CDH18: variants seen among roughly 807,000 people sequenced by gnomAD.
CDH18 encodes cadherin 18, also known as cadherin-18.
Under a neutral mutation model 67.9 loss-of-function variants are expected in CDH18, and 31 were observed. The ratio of observed to expected loss-of-function variants is 0.46; its 90% CI spans 0.34 to 0.62. The LOEUF is 0.62. Among genes scored for constraint, CDH18 ranks in the 20% least tolerant of loss-of-function variants. CDH18 has a pLI of 0.01. For missense variants in CDH18, 890 were observed against 975.5 expected, an observed-to-expected ratio of 0.91 and a Z score of 1.17; for synonymous variants, 362 against 347.2, an observed-to-expected ratio of 1.04 and a Z score of -0.48.
intron 2 of CDH18, among the ~76,000 whole-genome samples, chr5:19,965,288 T>C (rs144892915): frequency 2.0e-3 from 303 of 152,322 alleles, no homozygotes; most frequent in African/African-American, 6.6e-3. Context: ...AACATAAGTC[T>C]TATGTGTATA....
intron 8 of CDH18, among the ~76,000 whole-genome samples, chr5:19,568,905 AG>A (rs895248788): frequency 1.3e-5 from 2 of 152,172 alleles, no homozygotes; most frequent in Non-Finnish European, 2.9e-5. Flanking sequence ...TGTCCCTTGC[AG>A]GGGGGTGGAT....
chr5:19,940,471 A>C (rs1248765933), intron 2 of CDH18, among the ~76,000 whole-genome samples: 1 of 149,820 alleles, frequency 6.7e-6, no homozygotes, highest in African/African-American at 2.5e-5. Flanking sequence ...TGTGTATCGA[A>C]GAGACCTACA....
At chr5:20,033,855 C>T (rs1480011054) in intron 2 of CDH18, among the ~76,000 whole-genome samples, 3 of 151,970 alleles carry the variant, frequency 2.0e-5, no homozygotes, top group Non-Finnish European at 4.4e-5. Context: ...AGTTTAATTT[C>T]AAGCTCTTTA....
At chr5:20,372,522 T>C (rs1743086007) in intron 1 of CDH18, among the ~76,000 whole-genome samples, 1 of 152,104 alleles carries the variant, frequency 6.6e-6, no homozygotes, top group Non-Finnish European at 1.5e-5. Flanking sequence ...ATTAAAAAAA[T>C]AAACGAAATT....
chr5:20,249,523 C>T (rs946253594), intron 2 of CDH18, among the ~76,000 whole-genome samples: 2 of 151,818 alleles, frequency 1.3e-5, no homozygotes, highest in Admixed American at 6.6e-5. Flanking sequence ...GCTGGGACTA[C>T]ACATGCCCGC....
intron 1 of CDH18, among the ~76,000 whole-genome samples, chr5:20,420,863 T>G (rs1441602684): frequency 6.6e-6 from 1 of 151,188 alleles, no homozygotes; most frequent in Non-Finnish European, 1.5e-5. Context: ...CAAAAAAATC[T>G]TCTTTCACTA....
chr5:20,139,942 G>C lies in CDH18; in HGVS notation c.-518+115502C>G, dbSNP rs144403032. 2.6e-5 allele frequency among the ~76,000 whole-genome samples: 4 copies of C among 152,010 alleles called. No individual in the cohort carries two copies. In the South Asian group the frequency reaches 8.3e-4, roughly 32 times the overall value. On this transcript the variant is annotated intron_variant, in intron 2 of 14. Transcript: ENST00000507958. ...TTAAGGATCTAGAACTAGAAATACC[G>C]TTTGACCCACCCATCCCATTACTGG...
intron 2 of CDH18, among the ~76,000 whole-genome samples, chr5:20,018,614 T>C (rs533953441): frequency 7.9e-5 from 12 of 152,346 alleles, no homozygotes; most frequent in South Asian, 2.1e-4. Flanking sequence ...GCATGACTTT[T>C]ATAGAATTGG....
intron 1 of CDH18, among the ~76,000 whole-genome samples, chr5:20,261,122 T>C (rs1240471358): frequency 1.3e-5 from 2 of 152,226 alleles, no homozygotes; most frequent in Non-Finnish European, 2.9e-5. Flanking sequence ...AAATTCCTAA[T>C]TTAACATTTT....
In CDH18 at chr5:19,483,451, G is replaced by C. The variant is rs756893426; in HGVS notation, c.1732C>G (p.Leu578Val). Reference sequence around the variant, plus strand: ...ATGGTGAGGGTGCTGCTGCTGCTGAGAGAGGGGATTCCACCATCAGAGATC... The same window carrying C: ...ATGGTGAGGGTGCTGCTGCTGCTGACAGAGGGGATTCCACCATCAGAGATC... ...IMISDGGIPS[L>V]SSSSTLTIRV... Residue 578 changes from leucine to valine, a missense_variant, in exon 12 of 13, where the codon CTC becomes GTC. By Grantham distance (32) the Leu-to-Val change is conservative. Around this residue, in one of 2 missense-constraint regions of CDH18, gnomAD observed 656 missense variants for 668.1 expected, o/e 0.98. Coordinates refer to ENST00000382275, the MANE Select transcript of CDH18 (RefSeq NM_004934.5). The C allele has an allele frequency of 5.0e-6, 8 of 1,614,026 alleles. No homozygotes were observed. Among genetic ancestry groups the C allele is most frequent in the Non-Finnish European group, 6.8e-6 (8 of 1,180,016 alleles).
chr5:20,394,213 C>A (rs1745100019), intron 1 of CDH18, among the ~76,000 whole-genome samples: 2 of 151,584 alleles, frequency 1.3e-5, no homozygotes, highest in South Asian at 4.2e-4. Flanking sequence ...AAAGTAGATA[C>A]ACACACCAGT....
chr5:19,622,496 C>A (rs1453387723), intron 5 of CDH18, among the ~76,000 whole-genome samples: 5 of 152,160 alleles, frequency 3.3e-5, no homozygotes, highest in Non-Finnish European at 7.3e-5. Flanking sequence ...TCATCTGGGT[C>A]TATTTGCCTT....
chr5:20,421,936 A>G (rs1747895038), intron 1 of CDH18, among the ~76,000 whole-genome samples: 1 of 150,880 alleles, frequency 6.6e-6, no homozygotes, highest in East Asian at 1.9e-4. Context: ...CTTTATACCT[A>G]TACTCATCAT....
At chr5:19,515,277 C>T (rs1205878137) in intron 10 of CDH18, among the ~76,000 whole-genome samples, 8 of 152,064 alleles carry the variant, frequency 5.3e-5, no homozygotes, top group Non-Finnish European at 1.2e-4. Context: ...AGTCAGGTAG[C>T]GTGATGCCTC....
At chr5:19,596,012 G>A (rs910040963) in intron 6 of CDH18, among the ~76,000 whole-genome samples, 9 of 152,178 alleles carry the variant, frequency 5.9e-5, no homozygotes, top group African/African-American at 9.7e-5. Context: ...CATGGGAAAA[G>A]CATGAGACCC....
intron 3 of CDH18, among the ~76,000 whole-genome samples, chr5:19,796,317 T>A (rs564256150): frequency 1.3e-5 from 2 of 152,202 alleles, no homozygotes; most frequent in East Asian, 3.9e-4. Flanking sequence ...AGAACATTTT[T>A]TGAAAGCAGC....
intron 2 of CDH18, among the ~76,000 whole-genome samples, chr5:20,206,286 T>C (rs527667148): frequency 9.9e-5 from 15 of 151,848 alleles, no homozygotes; most frequent in Non-Finnish European, 1.8e-4. Flanking sequence ...GAATGAGCCA[T>C]GAAGAAACAG....
At chr5:20,304,627 T>C (rs1736258494) in intron 1 of CDH18, 2 of 1,611,984 alleles carry the variant, frequency 1.2e-6, no homozygotes, top group Admixed American at 1.7e-5. Flanking sequence ...ATCAACTTTC[T>C]TGCCGAAATT....
At chr5:19,906,639 G>A (rs1235097525) in intron 2 of CDH18, among the ~76,000 whole-genome samples, 5 of 152,038 alleles carry the variant, frequency 3.3e-5, no homozygotes, top group African/African-American at 1.2e-4. Context: ...TTGAAGTGCT[G>A]TTCAAACTTG....
Sources: allele counts gnomAD v4.1 joint callset (sites outside exome capture counted in the v4.1 genomes callset), GRCh38; gene constraint gnomAD v4.1.1; regional missense constraint gnomAD v4.1.1; transcripts MANE v1.5; gene names NCBI Gene and HGNC (gene_info 2026-07-23, HGNC 2026-07-21).